The following OSBPL3 variants were observed in gnomAD, a reference collection of about 807,000 sequenced individuals.
OSBPL3 encodes the protein oxysterol-binding protein-related protein 3.
Under a neutral mutation model 120.1 loss-of-function variants are expected in OSBPL3, and 65 were observed. That is an observed-to-expected ratio of 0.54 (90% confidence interval 0.44 to 0.67). The LOEUF is 0.67. Among genes scored for constraint, OSBPL3 ranks in the 30% least tolerant of loss-of-function variants. The pLI is 0.00. For synonymous variants in OSBPL3, 416 were observed against 402.6 expected (o/e 1.03, Z -0.40); for missense variants, 1,004 against 1,082.1 (o/e 0.93, Z 1.01).
intron 14 of OSBPL3, among the ~76,000 whole-genome samples, chr7:24,836,107 T>C (rs1442601449): frequency 6.6e-6 from 1 of 152,120 alleles, no homozygotes; most frequent in African/African-American, 2.4e-5. Context: ...TAAAATATTT[T>C]TTGCCTATAT....
chr7:24,854,392 G>A lies in OSBPL3; in HGVS notation c.1028-1758C>T, dbSNP rs1799546709. ...ACTTACTTCATTTAATAGCAAGGAG[G>A]ACAACTAAACCTCTCTATATGTTGT... On this transcript the variant is annotated intron_variant, in intron 10 of 22. Transcript: ENST00000313367. This position sits in a 1 kb window ranked among gnomAD's most constrained non-coding sequence, Gnocchi z 4.1. 6.6e-6 allele frequency among the ~76,000 whole-genome samples: 1 copy of A among 151,968 alleles called. No individual in the cohort carries two copies. The highest frequency in any genetic ancestry group is 2.4e-5 in the African/African-American group (1 of 41,338).
chr7:24,810,018 A>G (rs1489096007), intron 19 of OSBPL3, 67 bp from the exon 20 acceptor site: 1 of 1,562,526 alleles, frequency 6.4e-7, no homozygotes, highest in Non-Finnish European at 8.8e-7. Flanking sequence ...TAAGGAAAGA[A>G]AAAAGGAAAA....
At chr7:24,836,786 C>A (rs934406510) in intron 14 of OSBPL3, among the ~76,000 whole-genome samples, 20 of 152,196 alleles carry the variant, frequency 1.3e-4, no homozygotes, top group African/African-American at 4.8e-4. Flanking sequence ...CACTGTGCAT[C>A]TCATGTTAAT....
chr7:24,927,700 A>C (rs1437427432), intron 1 of OSBPL3, among the ~76,000 whole-genome samples: 1 of 152,160 alleles, frequency 6.6e-6, no homozygotes, highest in Non-Finnish European at 1.5e-5. Flanking sequence ...ATAATAACAG[A>C]AGGTTTACCA....
In OSBPL3 at chr7:24,904,918, G is replaced by GGGGTGTGT. The variant is rs376069147; in HGVS notation, c.-149-12298_-149-12297insACACACCC. Among the ~76,000 whole-genome samples, 7 of 132,948 alleles carry GGGGTGTGT rather than the reference G, an allele frequency of 5.3e-5. No individual in the cohort carries two copies. In the East Asian group the frequency reaches 1.4e-3, roughly 26 times the overall value. The allele number at this position is 132,948 out of a possible 152,430, so 87.2% of individuals were successfully genotyped here. A position where few individuals can be genotyped will look rare whatever the true frequency, so the allele number is the denominator to read the frequency against. The stretch of plus-strand genomic sequence containing the variant: ...TGAAGTGTTCTGATCATAATATACA[G>GGGGTGTGT]GTGTGTGTGTGTGTGTGTGTGTGTG... On this transcript the variant is annotated intron_variant, in intron 1 of 22. Coordinates refer to ENST00000313367, the MANE Select transcript of OSBPL3 (RefSeq NM_015550.4).
chr7:24,861,630 C>G lies in OSBPL3; in HGVS notation c.1010G>C (p.Cys337Ser). 1 of 1,601,192 alleles carries G rather than the reference C, an allele frequency of 6.2e-7. No homozygotes were observed. ...TCATTTACCTTTATGGGCAATATGA[C>G]ACAGATCTTCTTGCATTTTAGAAAA... ...SEFSKMQEDL[C>S]HIAHKVYFTL... Residue 337 changes from cysteine (C) to serine (S), a missense_variant, in exon 10 of 23, where the codon TGT (cysteine) becomes TCT (serine). Coordinates refer to ENST00000313367, the MANE Select transcript of OSBPL3 (RefSeq NM_015550.4).
chr7:24,878,845 G>C (rs144120889), intron 2 of OSBPL3, among the ~76,000 whole-genome samples: 59 of 152,290 alleles, frequency 3.9e-4, no homozygotes, highest in African/African-American at 1.4e-3. Context: ...AGTTCAGTAG[G>C]TCTGGGGGAG....
chr7:24,902,344 G>T (rs1316083855), intron 1 of OSBPL3, among the ~76,000 whole-genome samples: 2 of 151,996 alleles, frequency 1.3e-5, no homozygotes, highest in African/African-American at 4.8e-5. Flanking sequence ...ATTTTTCTGG[G>T]TTTTTTTAAA....
rs191896225 is a variant in OSBPL3 at position 24,899,745 on chromosome 7, C to T, written c.-149-7124G>A. On this transcript the variant is annotated intron_variant, in intron 1 of 22. Transcript: ENST00000313367. This position sits in a 1 kb window ranked among gnomAD's most constrained non-coding sequence, Gnocchi z 4.0. Reference sequence around the variant, plus strand: ...AATGCATACAACCCACTATAAATGCCCATAACTATACAATCACCTACAATT... The same window carrying T: ...AATGCATACAACCCACTATAAATGCTCATAACTATACAATCACCTACAATT... Among the ~76,000 whole-genome samples the T allele has an allele frequency of 2.0e-5, 3 of 152,288 alleles. No homozygotes were observed. Among genetic ancestry groups the T allele is most frequent in the Non-Finnish European group, 4.4e-5 (3 of 68,014 alleles).
In OSBPL3 at chr7:24,913,618, T is replaced by A. The variant is rs978844620; in HGVS notation, c.-149-20997A>T. Among the ~76,000 whole-genome samples, 3 of 152,032 alleles carry A rather than the reference T, an allele frequency of 2.0e-5. No individual in the cohort carries two copies. The South Asian group carries it at 6.2e-4, about 32-fold the overall frequency. On this transcript the variant is annotated intron_variant, in intron 1 of 22. Transcript: ENST00000313367. This position sits in a 1 kb window ranked among gnomAD's most constrained non-coding sequence, Gnocchi z 5.3. Reference sequence around the variant, plus strand: ...GGGAATCTAGGACTGGGCACAAAGATGAAAAGACACATGAACCCCTTAAAA... The same window carrying A: ...GGGAATCTAGGACTGGGCACAAAGAAGAAAAGACACATGAACCCCTTAAAA...
chr7:24,888,755 A>G (rs1804895610), intron 2 of OSBPL3, among the ~76,000 whole-genome samples: 1 of 152,210 alleles, frequency 6.6e-6, no homozygotes, highest in Non-Finnish European at 1.5e-5. Flanking sequence ...ATTTTATATG[A>G]ATAGGTCTGA....
At chr7:24,880,830 C>T (rs899568612) in intron 2 of OSBPL3, among the ~76,000 whole-genome samples, 24 of 152,156 alleles carry the variant, frequency 1.6e-4, no homozygotes, top group African/African-American at 5.3e-4. Flanking sequence ...GTGAATGGGA[C>T]TGGGGCCTGA....
In OSBPL3 at chr7:24,922,417, T is replaced by A. The variant is rs140588109; in HGVS notation, c.-149-29796A>T. Among the ~76,000 whole-genome samples the A allele has an allele frequency of 2.0e-5, 3 of 152,126 alleles. No individual in the cohort carries two copies. Among genetic ancestry groups the A allele is most frequent in the African/African-American group, 7.2e-5 (3 of 41,422 alleles). On this transcript the variant is annotated intron_variant, in intron 1 of 22. Transcript: ENST00000313367. This position sits in a 1 kb window ranked among gnomAD's most constrained non-coding sequence, Gnocchi z 4.3. The stretch of plus-strand genomic sequence containing the variant: ...ACAATTCCCTCTCAGGGGAATTGTA[T>A]GGCTGAGTGACCAGCGTGGGAGGGA...
In OSBPL3 at chr7:24,937,482, TC is replaced by T. The variant is rs1205288908; in HGVS notation, c.-150+42403del. On this transcript the variant is annotated intron_variant, in intron 1 of 22. Transcript: ENST00000313367. This position sits in a 1 kb window ranked among gnomAD's most constrained non-coding sequence, Gnocchi z 4.0. ...CCATAAGGATACATATAGTTTTAGTTCTTTCTGCTTTATAGAATTTAATTTA... is the reference window on the plus strand; with the variant it reads ...CCATAAGGATACATATAGTTTTAGTTTTTCTGCTTTATAGAATTTAATTTA... 2.6e-5 allele frequency among the ~76,000 whole-genome samples: 4 copies of T among 152,238 alleles called. No homozygotes were observed. The highest frequency in any genetic ancestry group is 2.6e-4 in the Admixed American group (4 of 15,290).
At position 24,863,637 on chromosome 7, in the gene OSBPL3, C is replaced by A. The variant is rs1490314106; in HGVS notation, c.674-38G>T. On this transcript the variant is annotated intron_variant, in intron 7 of 22. Transcript: ENST00000313367. The surrounding 1 kb of genome is among the most constrained non-coding windows in gnomAD (Gnocchi z 5.8). ...AGAGGACAGTGCTCACAATGCTCCA[C>A]TAGCAAGAGGGATCACTGTGCTGTC... The A allele has an allele frequency of 7.7e-7, 1 of 1,290,916 alleles. No homozygotes were observed. Among genetic ancestry groups the A allele is most frequent in the Middle Eastern group, 1.8e-4 (1 of 5,476 alleles). 80.0% of individuals were successfully genotyped at this position (1,290,916 alleles called of 1,614,324 possible). A position where few individuals can be genotyped will look rare whatever the true frequency, so the allele number is the denominator to read the frequency against.
At chr7:24,832,605 G>A (rs1796538953) in intron 15 of OSBPL3, among the ~76,000 whole-genome samples, 2 of 151,790 alleles carry the variant, frequency 1.3e-5, no homozygotes, top group Non-Finnish European at 2.9e-5. Flanking sequence ...CTGGGTGTCT[G>A]TTCCTCTTCC....
chr7:24,799,179 T>C lies in OSBPL3; in HGVS notation c.*1004A>G, dbSNP rs1346769379. 1 of 152,598 alleles carries C rather than the reference T, an allele frequency of 6.6e-6. No individual in the cohort carries two copies. The highest frequency in any genetic ancestry group is 1.5e-5 in the Non-Finnish European group (1 of 68,024). 9.5% of individuals were successfully genotyped at this position (152,598 alleles called of 1,614,324 possible). A position where few individuals can be genotyped will look rare whatever the true frequency, so the allele number is the denominator to read the frequency against. On this transcript the variant is annotated 3_prime_UTR_variant, in exon 23 of 23. Transcript: ENST00000313367. This position sits in a 1 kb window ranked among gnomAD's most constrained non-coding sequence, Gnocchi z 5.3. ...CTAAAATATGGTGCTTATTAAGAGG[T>C]AGAAAATACTAAAACAGCATTTAAG...
Position 24,947,866 on chromosome 7 carries a change from GT to G in OSBPL3, c.-150+32019del, listed in dbSNP as rs1813918041. On this transcript the variant is annotated intron_variant, in intron 1 of 22. Transcript: ENST00000313367. This position sits in a 1 kb window ranked among gnomAD's most constrained non-coding sequence, Gnocchi z 4.4. ...TGATCGGTGTTGGTAATTTGACACTGTACAGGGGAACAATATAATGTCCCCA... is the reference window on the plus strand; with the variant it reads ...TGATCGGTGTTGGTAATTTGACACTGACAGGGGAACAATATAATGTCCCCA... 6.6e-6 allele frequency among the ~76,000 whole-genome samples: 1 copy of G among 151,812 alleles called. No individual in the cohort carries two copies. The highest frequency in any genetic ancestry group is 2.4e-5 in the African/African-American group (1 of 41,280).
rs1189896623 is a variant in OSBPL3 at position 24,851,047 on chromosome 7, A to C, written c.1158+1457T>G. ...AATAGGTCTCAGTGGCCAAACAGGC[A>C]GATTGACAAGATGAGGCCAGGCCTC... On this transcript the variant is annotated intron_variant, in intron 11 of 22. Transcript: ENST00000313367. This position sits in a 1 kb window ranked among gnomAD's most constrained non-coding sequence, Gnocchi z 4.1. Among the ~76,000 whole-genome samples, 1 of 152,246 alleles carries C rather than the reference A, an allele frequency of 6.6e-6. No individual in the cohort carries two copies.
Sources: allele counts gnomAD v4.1 joint callset (sites outside exome capture counted in the v4.1 genomes callset), GRCh38; gene constraint gnomAD v4.1.1; non-coding constraint Gnocchi (gnomAD v3.1); transcripts MANE v1.5; gene names NCBI Gene and HGNC (gene_info 2026-07-23, HGNC 2026-07-21).